The following SCEL variants were observed in gnomAD, a reference collection of about 807,000 sequenced individuals.
SCEL encodes sciellin.
In SCEL, 113 loss-of-function variants were observed where a neutral mutation model predicts 117.6. That is an observed-to-expected ratio of 0.96 (90% CI 0.83 to 1.12). SCEL has a LOEUF of 1.12. Among genes scored for constraint, SCEL ranks in the 50% most tolerant of loss-of-function variants. The pLI is 0.00. For missense variants in SCEL, 785 were observed against 810.8 expected (o/e 0.97, Z 0.39); for synonymous variants, 270 against 256.2 (o/e 1.05, Z -0.51).
At chr13:77,625,827 C>A (rs141223736) in intron 27 of SCEL, among the ~76,000 whole-genome samples, 3 of 152,200 alleles carry the variant, frequency 2.0e-5, no homozygotes, top group African/African-American at 7.2e-5. Flanking sequence ...CTTATTTGAA[C>A]CCACTATTTA....
chr13:77,548,282 C>A (rs984508510), intron 1 of SCEL, among the ~76,000 whole-genome samples: 1 of 152,244 alleles, frequency 6.6e-6, no homozygotes, highest in Non-Finnish European at 1.5e-5. Context: ...GGGACACACA[C>A]AATCTGGGGC....
intron 4 of SCEL, 60 bp downstream of exon 4, chr13:77,559,923 A>T: frequency 7.0e-7 from 1 of 1,422,302 alleles, no homozygotes; most frequent in African/African-American, 1.4e-5. Context: ...TTTTCAGAGA[A>T]GACTTGTTCA....
chr13:77,612,804 G>A lies in SCEL; in HGVS notation c.1338-87G>A, dbSNP rs9600900. ...GTATAGATGAAGTTTTAAATTAGCA[G>A]GTCATTTGATTAATATTAAGGTTGA... On this transcript the variant is annotated intron_variant, in intron 22 of 32. Coordinates refer to ENST00000349847, the MANE Select transcript of SCEL (RefSeq NM_144777.3). 10,659 of 703,926 alleles carry A rather than the reference G, an allele frequency of 0.015. 854 individuals are homozygous for A. In the African/African-American group the frequency reaches 0.18, roughly 12 times the overall value. The allele number at this position is 703,926 out of a possible 1,614,324, so 43.6% of individuals were successfully genotyped here.
At chr13:77,565,449 T>C (rs2085236725) in intron 5 of SCEL, among the ~76,000 whole-genome samples, 1 of 152,222 alleles carries the variant, frequency 6.6e-6, no homozygotes, top group East Asian at 1.9e-4. Flanking sequence ...ATGATCTATT[T>C]ACACACTTTA....
Position 77,610,034 on chromosome 13 carries a change from C to G in SCEL, c.1278-13C>G, listed in dbSNP as rs761240501. ...TTAAATCTACCACTGATCTGATTTT[C>G]TATGTTTTTAAGGGGCCAAAGTCTC... On this transcript the variant is annotated splice_polypyrimidine_tract_variant and intron_variant, in intron 21 of 32. Transcript: ENST00000349847. 5 of 1,596,024 alleles carry G rather than the reference C, an allele frequency of 3.1e-6. No individual in the cohort carries two copies. In the South Asian group the frequency reaches 5.6e-5, roughly 18 times the overall value.
At chr13:77,644,094 A>G (rs530077758) in intron 32 of SCEL, among the ~76,000 whole-genome samples, 164 bp from the exon 33 acceptor site, 19 of 152,290 alleles carry the variant, frequency 1.2e-4, no homozygotes, top group Non-Finnish European at 2.1e-4. Context: ...CTGGTACGTC[A>G]TGTACACAGT....
intron 14 of SCEL, 25 bp from the exon 15 acceptor site, chr13:77,599,664 T>C: frequency 1.9e-6 from 3 of 1,554,118 alleles, no homozygotes; most frequent in Non-Finnish European, 2.7e-6. Flanking sequence ...TGCAGCCTTT[T>C]ATGTGAATTT....
At chr13:77,630,058 A>T (rs2089957955) in intron 28 of SCEL, among the ~76,000 whole-genome samples, 1 of 152,122 alleles carries the variant, frequency 6.6e-6, no homozygotes, top group Non-Finnish European at 1.5e-5. Flanking sequence ...CTTTGGGGAA[A>T]ACAGGTTTTG....
At chr13:77,637,485 A>G (rs188026166) in intron 30 of SCEL, among the ~76,000 whole-genome samples, 6 of 150,910 alleles carry the variant, frequency 4.0e-5, no homozygotes, top group African/African-American at 1.5e-4. Flanking sequence ...CTTGTCATGT[A>G]TGTGCATGGG....
intron 1 of SCEL, among the ~76,000 whole-genome samples, chr13:77,537,467 A>G (rs975993734): frequency 1.4e-4 from 21 of 152,270 alleles, no homozygotes; most frequent in Non-Finnish European, 1.3e-4. Context: ...GTGGTTACCC[A>G]GCACATGTGG....
At chr13:77,638,442 TAAAG>T (rs1299550456) in intron 30 of SCEL, among the ~76,000 whole-genome samples, 1 of 152,228 alleles carries the variant, frequency 6.6e-6, no homozygotes, top group Non-Finnish European at 1.5e-5. Flanking sequence ...ATGATCTTAA[TAAAG>T]ATAGTACCAA....
chr13:77,601,682 T>C (rs78018226), intron 15 of SCEL, among the ~76,000 whole-genome samples: 2 of 152,336 alleles, frequency 1.3e-5, no homozygotes, highest in African/African-American at 4.8e-5. Context: ...ACTTAAAATA[T>C]TGATCAATTG....
Position 77,612,881 on chromosome 13 carries a change from AT to A in SCEL, c.1338-3del. The A allele has an allele frequency of 1.2e-5, 18 of 1,522,340 alleles. No individual in the cohort carries two copies. The highest frequency in any genetic ancestry group is 6.1e-5 in the Admixed American group (3 of 49,328). The allele number at this position is 1,522,340 out of a possible 1,614,324, so 94.3% of individuals were successfully genotyped here. The stretch of plus-strand genomic sequence containing the variant: ...GTTGACTTAGCTATTGAAACTTAAC[AT>A]TTTTTTAGGAACCAAGACTTGGAAA... On this transcript the variant is annotated splice_polypyrimidine_tract_variant and intron_variant, in intron 22 of 32. Transcript: ENST00000349847.
In SCEL at chr13:77,637,103, A is replaced by G. The variant is rs767373422; in HGVS notation, c.1764-17A>G. 25 of 1,339,850 alleles carry G rather than the reference A, an allele frequency of 1.9e-5. No individual in the cohort carries two copies. The highest frequency in any genetic ancestry group is 1.8e-4 in the Middle Eastern group (1 of 5,512). 83.0% of individuals were successfully genotyped at this position (1,339,850 alleles called of 1,614,324 possible). On this transcript the variant is annotated splice_polypyrimidine_tract_variant and intron_variant, in intron 29 of 32. Transcript: ENST00000349847. ...AAAATCACCTGATTCTCACATGTCC[A>G]TATATTTTGTTCCTAGTAAATCACC... is the stretch of plus-strand genomic sequence containing the variant.
intron 4 of SCEL, among the ~76,000 whole-genome samples, chr13:77,563,525 AGTGTT>A (rs532762060): frequency 4.9e-4 from 74 of 152,280 alleles, no homozygotes; most frequent in African/African-American, 1.7e-3. Context: ...AAACATTTTG[AGTGTT>A]GTGTTGTTTG....
In SCEL at chr13:77,559,800, G is replaced by A; in HGVS notation, c.162-4G>A. On this transcript the variant is annotated splice_polypyrimidine_tract_variant and splice_region_variant and intron_variant, in intron 3 of 32. Coordinates refer to ENST00000349847, the MANE Select transcript of SCEL (RefSeq NM_144777.3). ...TGTGACATACTTTTGTTCTTTCTTT[G>A]CAGAGATGAAAATTACGGTAGGGTG... is the stretch of plus-strand genomic sequence containing the variant. 1.9e-6 allele frequency: 3 copies of A among 1,613,028 alleles called. No individual in the cohort carries two copies. The highest frequency in any genetic ancestry group is 2.5e-6 in the Non-Finnish European group (3 of 1,179,276).
intron 15 of SCEL, among the ~76,000 whole-genome samples, chr13:77,601,689 A>G (rs1288316285): frequency 2.0e-5 from 3 of 152,194 alleles, no homozygotes; most frequent in Admixed American, 1.3e-4. Flanking sequence ...ATATTGATCA[A>G]TTGATTTCTA....
Position 77,644,314 on chromosome 13 carries a change from G to C in SCEL, c.*40G>C, listed in dbSNP as rs373246173. 1.1e-5 allele frequency: 18 copies of C among 1,600,450 alleles called. No individual in the cohort carries two copies. The East Asian group carries it at 4.0e-4, about 36-fold the overall frequency. Reference sequence around the variant, plus strand: ...AATCAAGATGAAAAGCACTCATTAAGGAATTAAAGTTACAAGTTTTATCTT... The same window carrying C: ...AATCAAGATGAAAAGCACTCATTAACGAATTAAAGTTACAAGTTTTATCTT... On this transcript the variant is annotated 3_prime_UTR_variant, in exon 33 of 33. Coordinates refer to ENST00000349847, the MANE Select transcript of SCEL (RefSeq NM_144777.3).
chr13:77,616,002 CTCTGTGTGTGTGTG>C (rs1303502899), intron 24 of SCEL, among the ~76,000 whole-genome samples: 3,713 of 141,902 alleles, frequency 0.026, 140 homozygotes, highest in East Asian at 0.13. Context: ...ATTTATGTCT[CTCTGTGTGTGTGTG>C]TGTGTGTGTG....
Sources: gnomAD v4.1 joint callset for allele counts (sites outside exome capture counted in the v4.1 genomes callset) on GRCh38, gnomAD v4.1.1 for gene constraint, MANE v1.5 for transcripts, NCBI Gene and HGNC (gene_info 2026-07-23, HGNC 2026-07-21) for gene names.